Variants in CXorf58 observed in about 807,000 individuals in gnomAD.
CXorf58 encodes chromosome X open reading frame 58.
CXorf58 carries 24 observed loss-of-function variants against 26.0 expected under a neutral mutation model. The observed-to-expected ratio is 0.92, with a 90% CI of 0.67 to 1.30. The LOEUF is 1.30. Ranked by LOEUF, CXorf58 falls within the 50% of genes most tolerant of loss-of-function variation. CXorf58 has a pLI of 0.00. For synonymous variants in CXorf58, 87 were observed against 86.1 expected, an observed-to-expected ratio of 1.01 and a Z score of -0.06; for missense variants, 236 against 263.9, an observed-to-expected ratio of 0.89 and a Z score of 0.73.
intron 7 of CXorf58, among the ~76,000 whole-genome samples, chrX:23,936,737 A>G (rs1455165544): frequency 9.0e-6 from 1 of 111,729 alleles, no homozygotes; most frequent in Non-Finnish European, 1.9e-5. Context: ...AGTAGAGATG[A>G]GTGATTCTGA....
At chrX:23,925,372 G>T (rs1176938856) in intron 5 of CXorf58, among the ~76,000 whole-genome samples, 2 of 91,865 alleles carry the variant, frequency 2.2e-5, no homozygotes, top group East Asian at 6.7e-4. Flanking sequence ...TTTTGAGACA[G>T]CATCTCACTC....
intron 7 of CXorf58, among the ~76,000 whole-genome samples, chrX:23,937,787 T>A (rs1162301325): frequency 9.0e-6 from 1 of 111,261 alleles, no homozygotes; most frequent in Non-Finnish European, 1.9e-5. Flanking sequence ...GAAAGTTGAG[T>A]CTATGTTCCT....
intron 6 of CXorf58, among the ~76,000 whole-genome samples, chrX:23,929,909 T>C (rs1928115321): frequency 9.0e-6 from 1 of 111,459 alleles, no homozygotes; most frequent in African/African-American, 3.3e-5. Context: ...AAAATTATGC[T>C]AAATCTATCC....
At chrX:23,910,157 G>T in intron 1 of CXorf58, 126 bp from the exon 2 acceptor site, 2 of 391,380 alleles carry the variant, frequency 5.1e-6, no homozygotes, top group Middle Eastern at 7.3e-4. Context: ...AACTTTAAGA[G>T]ATCCACAATG....
At chrX:23,916,550 C>A (rs2147066854) in intron 5 of CXorf58, 1 of 250,072 alleles carries the variant, frequency 4.0e-6, no homozygotes, top group Non-Finnish European at 6.7e-6. Context: ...AATTAAGGCT[C>A]TAGAAAATAT....
chrX:23,934,743 C>T (rs1210613710), intron 6 of CXorf58, among the ~76,000 whole-genome samples: 2 of 109,504 alleles, frequency 1.8e-5, no homozygotes, highest in African/African-American at 6.6e-5. Flanking sequence ...AGGCTGGTCT[C>T]GAACTCCCGA....
At chrX:23,920,157 G>A (rs1368151817) in intron 5 of CXorf58, among the ~76,000 whole-genome samples, 7 of 112,315 alleles carry the variant, frequency 6.2e-5, no homozygotes, top group Admixed American at 1.9e-4. Flanking sequence ...AGTGACCACT[G>A]CCTGGCTACC....
Position 23,935,372 on chromosome X carries a change from A to T in CXorf58, c.732A>T (p.Arg244Ser), listed in dbSNP as rs150830689. The change falls in exon 7 of 9, where the codon AGA (arginine) becomes AGT (serine). Residue 244 changes from arginine (R) to serine (S), a missense_variant. Arg to Ser is a moderately radical substitution (Grantham distance 110, BLOSUM62 -1). Transcript: ENST00000379211. ...ATGAAATGAAGTTTCTGTTACAGAGACCAGTAACGCAAGAGATCCATAAGC... is the reference window on the plus strand; with the variant it reads ...ATGAAATGAAGTTTCTGTTACAGAGTCCAGTAACGCAAGAGATCCATAAGC... ...LRNEMKFLLQRPVTQEIHKHQ... is the reference protein window; with the variant it reads ...LRNEMKFLLQSPVTQEIHKHQ... 1.3e-5 allele frequency: 16 copies of T among 1,208,368 alleles called. No individual in the cohort carries two copies. In the African/African-American group the frequency reaches 2.4e-4, roughly 18 times the overall value.
At chrX:23,936,308 T>C (rs1928295640) in intron 7 of CXorf58, among the ~76,000 whole-genome samples, 1 of 111,929 alleles carries the variant, frequency 8.9e-6, no homozygotes, top group Non-Finnish European at 1.9e-5. Context: ...GGCTTTTTCC[T>C]TTTTTGCTGA....
At chrX:23,934,401 C>T (rs1211699120) in intron 6 of CXorf58, among the ~76,000 whole-genome samples, 2 of 110,379 alleles carry the variant, frequency 1.8e-5, no homozygotes, top group African/African-American at 3.3e-5. Context: ...GCACCCACAA[C>T]CAATCAATTT....
chrX:23,924,321 T>G (rs79983338), intron 5 of CXorf58, among the ~76,000 whole-genome samples: 1 of 97,193 alleles, frequency 1.0e-5, no homozygotes. Flanking sequence ...TTTATTTATT[T>G]ATTTATTTAT....
At chrX:23,926,373 G>C (rs143443628) in intron 5 of CXorf58, among the ~76,000 whole-genome samples, 1,648 of 110,949 alleles carry the variant, frequency 0.015, 29 homozygotes, top group African/African-American at 0.05. Flanking sequence ...ATAAAATGTT[G>C]ACATTTGGGA....
intron 4 of CXorf58, 81 bp from the exon 5 acceptor site, chrX:23,916,136 G>C (rs1008447833): frequency 1.9e-6 from 1 of 539,044 alleles, no homozygotes; most frequent in Non-Finnish European, 3.1e-6. Context: ...GAAACTATAT[G>C]AACTATCTTA....
At chrX:23,925,760 G>A (rs1223629963) in intron 5 of CXorf58, among the ~76,000 whole-genome samples, 1 of 97,448 alleles carries the variant, frequency 1.0e-5, no homozygotes, top group African/African-American at 3.8e-5. Context: ...ATCAAAAGAT[G>A]TTTGAATTTT....
intron 1 of CXorf58, among the ~76,000 whole-genome samples, chrX:23,909,015 T>A (rs1306508683): frequency 8.9e-6 from 1 of 111,748 alleles, no homozygotes; most frequent in African/African-American, 3.3e-5. Flanking sequence ...AAGGCCCAGC[T>A]GTGACTGCCA....
Position 23,935,387 on chromosome X carries a change from G to A in CXorf58, c.747G>A (p.Glu249=), listed in dbSNP as rs1193590765. ...KFLLQRPVTQ[E]IHKHQLRIVS... Reference sequence around the variant, plus strand: ...TGTTACAGAGACCAGTAACGCAAGAGATCCATAAGCACCAGCTACGGATTG... The same window carrying A: ...TGTTACAGAGACCAGTAACGCAAGAAATCCATAAGCACCAGCTACGGATTG... The change falls in exon 7 of 9, where the codon GAG becomes GAA. Residue 249 remains glutamate (E), a synonymous_variant. Transcript: ENST00000379211. 2.5e-6 allele frequency: 3 copies of A among 1,206,447 alleles called. No homozygotes were observed. The highest frequency in any genetic ancestry group is 3.4e-6 in the Non-Finnish European group (3 of 892,091).
At chrX:23,909,118 A>G (rs888525544) in intron 1 of CXorf58, among the ~76,000 whole-genome samples, 2 of 112,039 alleles carry the variant, frequency 1.8e-5, no homozygotes, top group African/African-American at 6.5e-5. Flanking sequence ...GGCATCCCCA[A>G]GGAGAAATAC....
intron 5 of CXorf58, among the ~76,000 whole-genome samples, chrX:23,917,168 C>T (rs1483212683): frequency 9.4e-6 from 1 of 106,604 alleles, no homozygotes; most frequent in Non-Finnish European, 1.9e-5. Flanking sequence ...AACCCCGTCT[C>T]TACTAAAAAT....
intron 7 of CXorf58, among the ~76,000 whole-genome samples, chrX:23,938,016 G>C (rs1366398470): frequency 9.2e-6 from 1 of 108,959 alleles, no homozygotes; most frequent in African/African-American, 3.3e-5. Context: ...CTCCCGAGTA[G>C]CTGGGATTAC....
Sources: allele counts gnomAD v4.1 joint callset (sites outside exome capture counted in the v4.1 genomes callset), GRCh38; gene constraint gnomAD v4.1.1; transcripts MANE v1.5; gene names NCBI Gene and HGNC (gene_info 2026-07-23, HGNC 2026-07-21).